Variants in TBC1D1 observed in about 807,000 individuals in gnomAD.
The protein encoded by TBC1D1 is TBC1 domain family member 1.
Under a neutral mutation model 125.6 loss-of-function variants are expected in TBC1D1, and 89 were observed. The observed-to-expected ratio is 0.71, with a 90% confidence interval of 0.60 to 0.85. The LOEUF (loss-of-function observed/expected upper bound fraction) is 0.85. Ranked by LOEUF, TBC1D1 falls within the 40% of genes least tolerant of loss-of-function variation. TBC1D1 has a pLI of 0.00. For missense variants in TBC1D1, 1,377 were observed against 1,469.2 expected (o/e 0.94, Z 1.03); for synonymous variants, 565 against 564.1 (o/e 1.00, Z -0.02).
At chr4:38,105,196 C>T (rs1761094805) in intron 15 of TBC1D1, among the ~76,000 whole-genome samples, 2 of 152,200 alleles carry the variant, frequency 1.3e-5, no homozygotes, top group Non-Finnish European at 2.9e-5. Flanking sequence ...GTGCGTATCA[C>T]ATTTCTCATC....
intron 10 of TBC1D1, among the ~76,000 whole-genome samples, chr4:38,046,154 A>G (rs1349757525): frequency 6.6e-6 from 1 of 152,150 alleles, no homozygotes; most frequent in African/African-American, 2.4e-5. Context: ...TCATGAGGTC[A>G]GGAGATCGAG....
chr4:38,098,479 A>G (rs890093243), intron 14 of TBC1D1, among the ~76,000 whole-genome samples: 1 of 152,230 alleles, frequency 6.6e-6, no homozygotes, highest in African/African-American at 2.4e-5. Context: ...GAAATACTCT[A>G]GGAATCTGGA....
chr4:37,972,045 C>A (rs1732134367), intron 2 of TBC1D1, among the ~76,000 whole-genome samples: 1 of 152,232 alleles, frequency 6.6e-6, no homozygotes, highest in African/African-American at 2.4e-5. Context: ...TACTCTCTCT[C>A]TCACTTGGCC....
chr4:38,129,444 T>C, intron 18 of TBC1D1, among the ~76,000 whole-genome samples: 1 of 152,150 alleles, frequency 6.6e-6, no homozygotes, highest in East Asian at 1.9e-4. Context: ...CATGCAGTGG[T>C]AATAACAAGC....
At position 38,116,348 on chromosome 4, in the gene TBC1D1, C is replaced by T. The variant is rs566624164; in HGVS notation, c.2802+394C>T. Among the ~76,000 whole-genome samples the T allele has an allele frequency of 2.0e-5, 3 of 152,300 alleles. No individual in the cohort carries two copies. The East Asian group carries it at 5.8e-4, about 29-fold the overall frequency. ...ATCTGCTCTTCCTCTGCCTCACCCC[C>T]ACCCTTGTCATCTCAGGTTCAGCTC... On this transcript the variant is annotated intron_variant, in intron 16 of 19. Coordinates refer to ENST00000261439, the MANE Select transcript of TBC1D1 (RefSeq NM_015173.4).
chr4:37,958,336 CAT>C (rs1365164045), intron 2 of TBC1D1, among the ~76,000 whole-genome samples: 1 of 152,238 alleles, frequency 6.6e-6, no homozygotes, highest in African/African-American at 2.4e-5. Flanking sequence ...GAACCTTGAC[CAT>C]ATCTGGTCCC....
chr4:37,999,218 C>G (rs1445722079), intron 2 of TBC1D1, among the ~76,000 whole-genome samples: 1 of 152,184 alleles, frequency 6.6e-6, no homozygotes, highest in Non-Finnish European at 1.5e-5. Flanking sequence ...AGCCACTGCA[C>G]TCCAGCCTGG....
At chr4:37,929,388 A>G (rs1029569139) in intron 2 of TBC1D1, among the ~76,000 whole-genome samples, 1 of 152,256 alleles carries the variant, frequency 6.6e-6, no homozygotes, top group Non-Finnish European at 1.5e-5. Flanking sequence ...ATGTAGCGTT[A>G]TATCAGCAGT....
chr4:37,979,985 G>T (rs964735147), intron 2 of TBC1D1, among the ~76,000 whole-genome samples: 8 of 152,086 alleles, frequency 5.3e-5, no homozygotes, highest in African/African-American at 1.9e-4. Context: ...CTCCATGTTG[G>T]TCAGGCTGGT....
At chr4:38,127,999 G>A (rs1374663207) in intron 18 of TBC1D1, among the ~76,000 whole-genome samples, 1 of 152,212 alleles carries the variant, frequency 6.6e-6, no homozygotes, top group Non-Finnish European at 1.5e-5. Context: ...CAGCATGTAA[G>A]GGGATGATGG....
intron 2 of TBC1D1, among the ~76,000 whole-genome samples, chr4:37,918,605 G>A (rs567232498): frequency 1.3e-5 from 2 of 152,160 alleles, no homozygotes; most frequent in Admixed American, 6.5e-5. Context: ...GCGCCACCAC[G>A]CCTGGCTAAT....
At chr4:38,053,084 C>CT (rs1476513247) in intron 11 of TBC1D1, 22 bp from the exon 13 acceptor site, 18 of 1,391,308 alleles carry the variant, frequency 1.3e-5, no homozygotes, top group Admixed American at 6.9e-5. Flanking sequence ...ATCCTAAACT[C>CT]TTTTTTCAAC....
At chr4:37,906,573 G>A (rs1297376602) in intron 2 of TBC1D1, among the ~76,000 whole-genome samples, 1 of 152,140 alleles carries the variant, frequency 6.6e-6, no homozygotes, top group Non-Finnish European at 1.5e-5. Context: ...CCATAAGTTT[G>A]ATGTTTCTTC....
intron 12 of TBC1D1, among the ~76,000 whole-genome samples, chr4:38,080,524 G>A (rs372204582): frequency 6.6e-4 from 101 of 152,308 alleles, no homozygotes; most frequent in African/African-American, 1.9e-3. Context: ...GCTGGGCCCC[G>A]TGGGGAACTA....
intron 2 of TBC1D1, among the ~76,000 whole-genome samples, chr4:37,915,444 C>T (rs368195834): frequency 1.3e-5 from 2 of 152,070 alleles, no homozygotes; most frequent in Non-Finnish European, 2.9e-5. Flanking sequence ...GTCTGTGAGC[C>T]GGGAGAACCA....
chr4:37,956,454 G>C (rs1399302556), intron 2 of TBC1D1, among the ~76,000 whole-genome samples: 2 of 152,226 alleles, frequency 1.3e-5, no homozygotes, highest in Non-Finnish European at 2.9e-5. Context: ...CCACAGACTA[G>C]ACAGTACCTG....
intron 2 of TBC1D1, among the ~76,000 whole-genome samples, chr4:38,004,507 C>CA (rs1156729887): frequency 1.3e-5 from 2 of 151,832 alleles, no homozygotes; most frequent in African/African-American, 4.8e-5. Flanking sequence ...TTTTTTTAAA[C>CA]AAAAAAGAAA....
chr4:37,937,340 C>T (rs1239549480), intron 2 of TBC1D1, among the ~76,000 whole-genome samples: 1 of 152,142 alleles, frequency 6.6e-6, no homozygotes. Context: ...AGAAGACGGT[C>T]GTTCAATGCT....
intron 1 of TBC1D1, among the ~76,000 whole-genome samples, chr4:37,893,020 A>C (rs141963520): frequency 6.6e-6 from 1 of 152,216 alleles, no homozygotes; most frequent in African/African-American, 2.4e-5. Flanking sequence ...ATCTTCTAGG[A>C]TGTAACCCTG....
Sources: allele counts gnomAD v4.1 joint callset (sites outside exome capture counted in the v4.1 genomes callset), GRCh38; gene constraint gnomAD v4.1.1; transcripts MANE v1.5; gene names NCBI Gene and HGNC (gene_info 2026-07-23, HGNC 2026-07-21).